PLCB1: variants seen among roughly 807,000 people sequenced by gnomAD.
PLCB1 encodes the protein 1-phosphatidylinositol 4,5-bisphosphate phosphodiesterase beta-1.
Under a neutral mutation model 161.8 loss-of-function variants are expected in PLCB1, and 46 were observed. That is an observed-to-expected ratio of 0.28 (90% CI 0.22 to 0.36). PLCB1 has a LOEUF of 0.36. PLCB1 is among the 10% of genes least tolerant of loss of function. The probability of loss-of-function intolerance (pLI) is 1.00; values close to 1 mark genes in which losing one functional copy is unlikely to be tolerated. For missense variants in PLCB1, 1,016 were observed against 1,472.5 expected (o/e 0.69, Z 5.07); for synonymous variants, 517 against 503.7 (o/e 1.03, Z -0.35).
intron 31 of PLCB1, among the ~76,000 whole-genome samples, chr20:8,810,858 G>C (rs946635956): frequency 1.5e-4 from 23 of 152,304 alleles, no homozygotes; most frequent in Admixed American, 9.1e-4. Context: ...CAGCTACTTG[G>C]GGGGCTGAGA....
At chr20:8,591,030 G>T (rs1987134538) in intron 3 of PLCB1, among the ~76,000 whole-genome samples, 1 of 151,892 alleles carries the variant, frequency 6.6e-6, no homozygotes, top group Non-Finnish European at 1.5e-5. Context: ...GTGTCCATGT[G>T]TTCTCATTGT....
At chr20:8,147,449 A>G (rs1254558176) in intron 1 of PLCB1, among the ~76,000 whole-genome samples, 1 of 152,210 alleles carries the variant, frequency 6.6e-6, no homozygotes, top group African/African-American at 2.4e-5. Context: ...GGATGGTCAT[A>G]TATTTCAAGT....
chr20:8,295,698 A>C (rs114896682), intron 2 of PLCB1, among the ~76,000 whole-genome samples: 6,087 of 151,822 alleles, frequency 0.04, 228 homozygotes, highest in African/African-American at 0.1. Context: ...GTCTCTCTCT[A>C]TATATATATC....
chr20:8,696,676 C>T (rs1268425739), intron 10 of PLCB1, among the ~76,000 whole-genome samples: 1 of 152,138 alleles, frequency 6.6e-6, no homozygotes, highest in Non-Finnish European at 1.5e-5. Flanking sequence ...CTTTCAACAA[C>T]ATTTTGTAAT....
chr20:8,670,354 GTTA>G (rs1195302581), intron 9 of PLCB1, among the ~76,000 whole-genome samples: 6 of 152,214 alleles, frequency 3.9e-5, no homozygotes, highest in Admixed American at 1.3e-4. Context: ...AAAGTAAGGT[GTTA>G]TTATTGAGAA....
At chr20:8,141,735 A>G (rs56030692) in intron 1 of PLCB1, 32,014 of 152,286 alleles carry the variant, frequency 0.21, 3,520 homozygotes, top group Admixed American at 0.27. Flanking sequence ...GTATTCAGGT[A>G]TGGTGTTAAA....
At chr20:8,571,620 G>A (rs995269470) in intron 3 of PLCB1, among the ~76,000 whole-genome samples, 1 of 152,138 alleles carries the variant, frequency 6.6e-6, no homozygotes, top group Non-Finnish European at 1.5e-5. Context: ...GAGTAATAGA[G>A]GATTGAGAGG....
At chr20:8,548,764 TATGTTCC>T (rs11277543) in intron 3 of PLCB1, among the ~76,000 whole-genome samples, 75,839 of 151,210 alleles carry the variant, frequency 0.5, 19,307 homozygotes, top group African/African-American at 0.53. Flanking sequence ...TACTTAATTT[TATGTTCC>T]ATGTTCTCAA....
chr20:8,564,504 G>T lies in PLCB1; in HGVS notation c.247-63790G>T, dbSNP rs1375082360. Among the ~76,000 whole-genome samples, 7 of 152,178 alleles carry T rather than the reference G, an allele frequency of 4.6e-5. No individual in the cohort carries two copies. The East Asian group carries it at 1.4e-3, about 29-fold the overall frequency. On this transcript the variant is annotated intron_variant, in intron 3 of 31. Coordinates refer to ENST00000338037, the MANE Select transcript of PLCB1 (RefSeq NM_015192.4). ...ACAAATGGGACCTAATTAAACTAAA[G>T]ACCTTCTGCACAGCAAAAGAAACTA...
At chr20:8,754,914 A>G (rs542249423) in intron 23 of PLCB1, among the ~76,000 whole-genome samples, 2 of 152,316 alleles carry the variant, frequency 1.3e-5, no homozygotes, top group East Asian at 3.9e-4. Context: ...CACATACACA[A>G]TCCTTTCCCT....
rs549766642 is a variant in PLCB1 at position 8,324,039 on chromosome 20, A to G, written c.178-47343A>G. Among the ~76,000 whole-genome samples, 25 of 152,266 alleles carry G rather than the reference A, an allele frequency of 1.6e-4. No homozygotes were observed. The South Asian group carries it at 5.2e-3, about 32-fold the overall frequency. On this transcript the variant is annotated intron_variant, in intron 2 of 31. Transcript: ENST00000338037. ...TTGATTTCTAAATCAAGAAAAACAT[A>G]TGTACTATTGCTTTTTCACTGAATT...
intron 3 of PLCB1, among the ~76,000 whole-genome samples, chr20:8,612,536 C>T (rs941670416): frequency 6.6e-6 from 1 of 152,154 alleles, no homozygotes; most frequent in Non-Finnish European, 1.5e-5. Flanking sequence ...TTACATATTC[C>T]ATAGGGATTA....
At chr20:8,681,975 T>G (rs1382494141) in intron 9 of PLCB1, among the ~76,000 whole-genome samples, 1 of 152,094 alleles carries the variant, frequency 6.6e-6, no homozygotes, top group Non-Finnish European at 1.5e-5. Context: ...ACATGCACAT[T>G]CAGCTTTTAA....
At chr20:8,504,552 A>G (rs1345989625) in intron 3 of PLCB1, among the ~76,000 whole-genome samples, 1 of 152,194 alleles carries the variant, frequency 6.6e-6, no homozygotes, top group Non-Finnish European at 1.5e-5. Flanking sequence ...TTAGAAAACT[A>G]TAGGTGAGTA....
chr20:8,698,795 C>T (rs77714024), intron 11 of PLCB1, among the ~76,000 whole-genome samples: 4,336 of 152,182 alleles, frequency 0.028, 94 homozygotes, highest in Non-Finnish European at 0.044. Context: ...CTTAGTAAAT[C>T]CTATCTAGGA....
chr20:8,385,908 A>T (rs2122408244), intron 3 of PLCB1, among the ~76,000 whole-genome samples: 1 of 152,234 alleles, frequency 6.6e-6, no homozygotes, highest in East Asian at 1.9e-4. Context: ...CACTATTATG[A>T]TTCTTTTTGA....
At chr20:8,704,901 TCCAAGTC>T (rs1308123126) in intron 11 of PLCB1, among the ~76,000 whole-genome samples, 2 of 150,990 alleles carry the variant, frequency 1.3e-5, no homozygotes, top group Non-Finnish European at 2.9e-5. Context: ...TAAGCTGCAG[TCCAAGTC>T]CAAGTCTCAA....
At chr20:8,602,064 T>C (rs947337845) in intron 3 of PLCB1, among the ~76,000 whole-genome samples, 2 of 152,220 alleles carry the variant, frequency 1.3e-5, no homozygotes, top group African/African-American at 2.4e-5. Flanking sequence ...GTATTTTCCA[T>C]TGGGCAGCAT....
At chr20:8,552,019 G>A (rs1427994175) in intron 3 of PLCB1, among the ~76,000 whole-genome samples, 2 of 152,142 alleles carry the variant, frequency 1.3e-5, no homozygotes, top group Non-Finnish European at 2.9e-5. Context: ...TGTGTTACTA[G>A]TTGTTAAAAT....
Sources: gnomAD v4.1 joint callset for allele counts (sites outside exome capture counted in the v4.1 genomes callset) on GRCh38, gnomAD v4.1.1 for gene constraint, MANE v1.5 for transcripts, NCBI Gene and HGNC (gene_info 2026-07-23, HGNC 2026-07-21) for gene names.